Variants in UPF3A observed in about 807,000 individuals in gnomAD.
UPF3A encodes UPF3A regulator of nonsense mediated mRNA decay.
UPF3A carries 42 observed loss-of-function variants against 53.5 expected under a neutral mutation model. The ratio of observed to expected loss-of-function variants is 0.78; its 90% CI spans 0.61 to 1.01. The LOEUF (loss-of-function observed/expected upper bound fraction) is 1.01, where lower values mean the gene tolerates loss of function less well. UPF3A is among the 50% of genes least tolerant of loss of function. The probability of loss-of-function intolerance (pLI) is 0.00; values close to 1 mark genes in which losing one functional copy is unlikely to be tolerated. For missense variants in UPF3A, 575 were observed against 598.0 expected (o/e 0.96, Z 0.40); for synonymous variants, 237 against 225.3 (o/e 1.05, Z -0.47).
At chr13:114,302,186 T>C (rs1218407377) in intron 9 of UPF3A, among the ~76,000 whole-genome samples, 161 bp downstream of exon 9, 1 of 152,166 alleles carries the variant, frequency 6.6e-6, no homozygotes, top group Non-Finnish European at 1.5e-5. Context: ...AGAGTGAGAC[T>C]AGTCATCATC....
chr13:114,303,643 G>A (rs9525321), intron 9 of UPF3A, among the ~76,000 whole-genome samples: 9,015 of 152,018 alleles, frequency 0.059, 326 homozygotes, highest in Middle Eastern at 0.13. Context: ...AAAATTAAGC[G>A]GGCATGGTGA....
intron 5 of UPF3A, among the ~76,000 whole-genome samples, chr13:114,288,975 G>A (rs1251987449): frequency 2.0e-5 from 3 of 152,148 alleles, no homozygotes; most frequent in African/African-American, 7.2e-5. Flanking sequence ...CCCTTGCAAA[G>A]GATCGGTCAC....
chr13:114,281,849 G>A lies in UPF3A; in HGVS notation c.207+3G>A. 1 of 1,530,076 alleles carries A rather than the reference G, an allele frequency of 6.5e-7. No individual in the cohort carries two copies. Among genetic ancestry groups the A allele is most frequent in the Non-Finnish European group, 8.8e-7 (1 of 1,137,036 alleles). 94.8% of individuals were successfully genotyped at this position (1,530,076 alleles called of 1,614,324 possible). On this transcript the variant is annotated splice_donor_region_variant and intron_variant, in intron 1 of 9. Coordinates refer to ENST00000375299, the MANE Select transcript of UPF3A (RefSeq NM_023011.4). ...AGAAGAGGACGGCCCTGAGCAAGGT[G>A]GGGACGGGGGCGGGGCGCGCAAACC... is the stretch of plus-strand genomic sequence containing the variant.
chr13:114,295,435 C>T (rs1441615995), intron 7 of UPF3A, among the ~76,000 whole-genome samples: 2 of 152,008 alleles, frequency 1.3e-5, no homozygotes, highest in African/African-American at 4.8e-5. Flanking sequence ...GCGGCTCTGG[C>T]CTGCTGGTTT....
At chr13:114,300,901 C>T (rs975602325) in intron 8 of UPF3A, among the ~76,000 whole-genome samples, 2 of 151,768 alleles carry the variant, frequency 1.3e-5, no homozygotes, top group Admixed American at 1.3e-4. Context: ...TCTCAATCTC[C>T]TGACCTCAAA....
At chr13:114,292,337 T>C (rs1447347332) in intron 7 of UPF3A, among the ~76,000 whole-genome samples, 2 of 149,466 alleles carry the variant, frequency 1.3e-5, no homozygotes, top group Non-Finnish European at 3.0e-5. Context: ...ATGTGTCACA[T>C]GTTCATTTTC....
At chr13:114,304,122 G>A (rs554072127) in intron 9 of UPF3A, among the ~76,000 whole-genome samples, 1 of 152,340 alleles carries the variant, frequency 6.6e-6, no homozygotes, top group South Asian at 2.1e-4. Flanking sequence ...GGAGCAGGAG[G>A]CTCACGGAAG....
chr13:114,293,266 C>G (rs970509598), intron 7 of UPF3A, among the ~76,000 whole-genome samples: 2 of 151,034 alleles, frequency 1.3e-5, no homozygotes, highest in African/African-American at 4.9e-5. Context: ...TGCCTGGAAT[C>G]CCAGCTACTC....
At chr13:114,296,043 C>T (rs2085960220) in intron 7 of UPF3A, among the ~76,000 whole-genome samples, 1 of 152,130 alleles carries the variant, frequency 6.6e-6, no homozygotes, top group South Asian at 2.1e-4. Context: ...TGGCCAGTGA[C>T]TTAATCAGTC....
chr13:114,294,781 C>T (rs572179805), intron 7 of UPF3A, among the ~76,000 whole-genome samples: 63 of 151,430 alleles, frequency 4.2e-4, no homozygotes, highest in East Asian at 1.2e-3. Context: ...GCTGAGATCA[C>T]GCCACTGCAC....
intron 7 of UPF3A, among the ~76,000 whole-genome samples, chr13:114,295,941 T>G (rs528034377): frequency 1.2e-4 from 19 of 152,242 alleles, no homozygotes; most frequent in Middle Eastern, 3.4e-3. Context: ...GGGGACTAGT[T>G]GGCCAGAAAG....
chr13:114,290,696 G>A (rs1168814147), intron 5 of UPF3A, among the ~76,000 whole-genome samples: 2 of 151,694 alleles, frequency 1.3e-5, no homozygotes, highest in African/African-American at 4.8e-5. Flanking sequence ...AATCAGCAGC[G>A]CCATATGGAG....
chr13:114,299,435 C>T (rs911791529), intron 8 of UPF3A, among the ~76,000 whole-genome samples: 2 of 152,222 alleles, frequency 1.3e-5, no homozygotes, highest in Non-Finnish European at 2.9e-5. Context: ...GGAACCCCCT[C>T]TTTTAGGTCT....
chr13:114,282,584 C>T, intron 2 of UPF3A: 1 of 985,448 alleles, frequency 1.0e-6, no homozygotes, highest in Non-Finnish European at 1.2e-6. Flanking sequence ...TGCGCCCTGG[C>T]CTTGCCTTAG....
At chr13:114,290,996 A>G (rs2085220224) in intron 5 of UPF3A, among the ~76,000 whole-genome samples, 3 of 151,960 alleles carry the variant, frequency 2.0e-5, no homozygotes, top group Admixed American at 2.0e-4. Context: ...TGGCCTCCCA[A>G]AGTGCTGAGA....
At chr13:114,291,175 T>C (rs566141335) in intron 5 of UPF3A, among the ~76,000 whole-genome samples, 2 of 152,340 alleles carry the variant, frequency 1.3e-5, no homozygotes, top group East Asian at 3.9e-4. Context: ...GAAAAAGTTC[T>C]CAGAATATGC....
chr13:114,304,660 C>T (rs2086880978), intron 9 of UPF3A, 129 bp from the exon 10 acceptor site: 6 of 1,320,182 alleles, frequency 4.5e-6, no homozygotes, highest in African/African-American at 1.5e-5. Context: ...GAAAAAAGGG[C>T]TGATTTTTAG....
At chr13:114,295,111 CA>C (rs60225573) in intron 7 of UPF3A, among the ~76,000 whole-genome samples, 262 of 85,386 alleles carry the variant, frequency 3.1e-3, no homozygotes, top group Middle Eastern at 0.012. Context: ...GACTCCGTCT[CA>C]AAAAAAAAAA....
intron 5 of UPF3A, among the ~76,000 whole-genome samples, chr13:114,289,543 T>A (rs991610807): frequency 6.3e-4 from 94 of 148,936 alleles, no homozygotes; most frequent in African/African-American, 1.7e-3. Context: ...AAAAAAAAAA[T>A]TTTAGGCAAT....
Sources: allele counts gnomAD v4.1 joint callset (sites outside exome capture counted in the v4.1 genomes callset), GRCh38; gene constraint gnomAD v4.1.1; transcripts MANE v1.5; gene names NCBI Gene and HGNC (gene_info 2026-07-23, HGNC 2026-07-21).